The following SDHC variants were observed in gnomAD, a reference collection of about 807,000 sequenced individuals.
SDHC encodes succinate dehydrogenase cytochrome b560 subunit, mitochondrial.
Under a neutral mutation model 22.6 loss-of-function variants are expected in SDHC, and 11 were observed. That is an observed-to-expected ratio of 0.49 (90% CI 0.31 to 0.81). SDHC has a LOEUF of 0.81. Ranked by LOEUF, SDHC falls within the 30% of genes least tolerant of loss-of-function variation. SDHC has a pLI of 0.05. For synonymous variants in SDHC, 80 were observed against 77.8 expected (o/e 1.03, Z -0.15); for missense variants, 160 against 212.0 (o/e 0.75, Z 1.52).
intron 4 of SDHC, among the ~76,000 whole-genome samples, chr1:161,354,623 T>C (rs1206366249): frequency 6.6e-6 from 1 of 151,860 alleles, no homozygotes; most frequent in African/African-American, 2.4e-5. Context: ...TTTTCTTTTT[T>C]TTTTTTTAAT....
chr1:161,321,067 T>C (rs113116300), intron 1 of SDHC, among the ~76,000 whole-genome samples: 17,805 of 152,074 alleles, frequency 0.12, 1,413 homozygotes, highest in African/African-American at 0.22. Flanking sequence ...CCTTGTGATC[T>C]GCCCGCCTCG....
intron 5 of SDHC, 24 bp downstream of exon 5, chr1:161,356,864 A>G (rs1054360409): frequency 5.2e-5 from 84 of 1,609,052 alleles, no homozygotes; most frequent in Non-Finnish European, 6.7e-5. Context: ...GGATTTGCAC[A>G]TTTTCTCTGT....
chr1:161,327,418 A>G (rs1423970481), intron 2 of SDHC, among the ~76,000 whole-genome samples: 1 of 152,182 alleles, frequency 6.6e-6, no homozygotes, highest in African/African-American at 2.4e-5. Flanking sequence ...TGTTATGGGT[A>G]TTGGGACATC....
intron 3 of SDHC, among the ~76,000 whole-genome samples, chr1:161,329,334 C>CT (rs755874315): frequency 6.6e-6 from 1 of 152,104 alleles, no homozygotes; most frequent in South Asian, 2.1e-4. Flanking sequence ...TTTTCTTCTT[C>CT]TTTTTTTATT....
At chr1:161,340,688 G>T (rs759674673) in intron 4 of SDHC, 33 bp downstream of exon 4, 1 of 1,590,400 alleles carries the variant, frequency 6.3e-7, no homozygotes, top group Non-Finnish European at 8.6e-7. Context: ...ACACATATGT[G>T]CTTCTTTGAA....
At chr1:161,330,996 C>CAA (rs61295520) in intron 3 of SDHC, among the ~76,000 whole-genome samples, 14 of 102,240 alleles carry the variant, frequency 1.4e-4, no homozygotes, top group Admixed American at 5.9e-4. Context: ...GCTCTGTTTC[C>CAA]AAAAAAAAAA....
At chr1:161,346,117 T>C (rs1486493395) in intron 4 of SDHC, among the ~76,000 whole-genome samples, 5 of 152,186 alleles carry the variant, frequency 3.3e-5, no homozygotes, top group African/African-American at 1.2e-4. Flanking sequence ...ATCTGCGTCT[T>C]TTATTAGACT....
chr1:161,330,055 A>C (rs190575493), intron 3 of SDHC, among the ~76,000 whole-genome samples: 26 of 152,312 alleles, frequency 1.7e-4, no homozygotes, highest in Non-Finnish European at 3.4e-4. Context: ...ATATATTCAC[A>C]GGTTCTGGGG....
At chr1:161,318,770 A>G (rs933902094) in intron 1 of SDHC, among the ~76,000 whole-genome samples, 17 of 152,130 alleles carry the variant, frequency 1.1e-4, no homozygotes, top group Non-Finnish European at 1.9e-4. Flanking sequence ...GCAGTGGCTC[A>G]TGCCTGTAAT....
chr1:161,318,274 C>T (rs1022305642), intron 1 of SDHC, among the ~76,000 whole-genome samples: 3 of 152,140 alleles, frequency 2.0e-5, no homozygotes, highest in Non-Finnish European at 2.9e-5. Flanking sequence ...TCCCCTTCCC[C>T]CTCCCCCGCA....
intron 1 of SDHC, among the ~76,000 whole-genome samples, chr1:161,318,389 AGTTCAGG>A (rs1447311343): frequency 1.3e-5 from 2 of 152,206 alleles, no homozygotes; most frequent in East Asian, 3.9e-4. Flanking sequence ...TTCTCTAAAC[AGTTCAGG>A]GACCAGCTAG....
At chr1:161,331,842 G>T (rs760581128) in intron 3 of SDHC, among the ~76,000 whole-genome samples, 2 of 152,014 alleles carry the variant, frequency 1.3e-5, no homozygotes, top group Non-Finnish European at 2.9e-5. Context: ...TGATCTGCCC[G>T]CCCTGGCCTC....
intron 4 of SDHC, among the ~76,000 whole-genome samples, chr1:161,343,524 G>T (rs1320354352): frequency 6.6e-6 from 1 of 152,174 alleles, no homozygotes; most frequent in African/African-American, 2.4e-5. Flanking sequence ...AGGATGATTT[G>T]TGTTGTTAGG....
intron 3 of SDHC, chr1:161,339,662 G>GGTTTTTTATTTTTTTTTTTTTTTTTT (rs1671638075): frequency 2.0e-5 from 1 of 49,566 alleles, no homozygotes; most frequent in Non-Finnish European, 3.5e-5. Flanking sequence ...TGATACAGGT[G>GGTTTTTTATTTTTTTTTTTTTTTTTT]TTTTTTTTTT....
intron 3 of SDHC, among the ~76,000 whole-genome samples, chr1:161,335,347 C>T (rs1048568539): frequency 2.6e-5 from 4 of 152,078 alleles, no homozygotes; most frequent in African/African-American, 9.7e-5. Flanking sequence ...CATATTTTGG[C>T]GGGAGATACT....
At chr1:161,333,460 A>G (rs559277009) in intron 3 of SDHC, among the ~76,000 whole-genome samples, 31 of 146,788 alleles carry the variant, frequency 2.1e-4, no homozygotes, top group Non-Finnish European at 4.3e-4. Flanking sequence ...GCTGGAGTGC[A>G]GTGGCGCAGT....
At position 161,333,398 on chromosome 1, in the gene SDHC, TA is replaced by T. The variant is rs142218272; in HGVS notation, c.179+4903del. ...TTGCATCATATGGTAACTCTATGTT[TA>T]ACTTTTTTTTTTTTTTTTTTTTTAA... On this transcript the variant is annotated intron_variant, in intron 3 of 5. Transcript: ENST00000367975. Among the ~76,000 whole-genome samples, 159 of 131,650 alleles carry T rather than the reference TA, an allele frequency of 1.2e-3. 2 individuals are homozygous for T. Among genetic ancestry groups the T allele is most frequent in the East Asian group, 3.7e-3 (14 of 3,826 alleles). The allele number at this position is 131,650 out of a possible 152,430, so 86.4% of individuals were successfully genotyped here. A position where few individuals can be genotyped will look rare whatever the true frequency, so the allele number is the denominator to read the frequency against.
At chr1:161,345,929 C>T (rs1486009030) in intron 4 of SDHC, among the ~76,000 whole-genome samples, 1 of 152,036 alleles carries the variant, frequency 6.6e-6, no homozygotes, top group Non-Finnish European at 1.5e-5. Context: ...CCTCAGCCTC[C>T]CGGGTAGCTG....
At chr1:161,326,149 C>T (rs1421683055) in intron 2 of SDHC, among the ~76,000 whole-genome samples, 1 of 151,840 alleles carries the variant, frequency 6.6e-6, no homozygotes, top group African/African-American at 2.4e-5. Flanking sequence ...TTGCAGTGAG[C>T]CGAGATCGCA....
Sources: gnomAD v4.1 joint callset for allele counts (sites outside exome capture counted in the v4.1 genomes callset) on GRCh38, gnomAD v4.1.1 for gene constraint, MANE v1.5 for transcripts, NCBI Gene and HGNC (gene_info 2026-07-23, HGNC 2026-07-21) for gene names.